The following ZBTB7C variants were observed in gnomAD, a reference collection of about 807,000 sequenced individuals.
The protein encoded by ZBTB7C is zinc finger and BTB domain-containing protein 7C.
In ZBTB7C, 8 loss-of-function variants were observed where a neutral mutation model predicts 25.7. The observed-to-expected ratio is 0.31, with a 90% CI of 0.18 to 0.56. The LOEUF is 0.56. ZBTB7C is among the 20% of genes least tolerant of loss of function. The pLI is 0.91. For synonymous variants in ZBTB7C, 394 were observed against 369.0 expected (o/e 1.07, Z -0.78); for missense variants, 824 against 855.2 (o/e 0.96, Z 0.46).
intron 1 of ZBTB7C, among the ~76,000 whole-genome samples, chr18:48,394,076 A>C (rs2047963613): frequency 6.6e-6 from 1 of 152,182 alleles, no homozygotes; most frequent in African/African-American, 2.4e-5. Context: ...AAACTTCCAT[A>C]GTTCAGCTAT....
chr18:48,172,017 T>TTCATAC (rs2041499543), intron 3 of ZBTB7C, among the ~76,000 whole-genome samples: 1 of 152,068 alleles, frequency 6.6e-6, no homozygotes, highest in Non-Finnish European at 1.5e-5. Context: ...TCTTGGGTGG[T>TTCATAC]TCATACTGAA....
At chr18:48,098,021 A>G (rs73954700) in intron 3 of ZBTB7C, among the ~76,000 whole-genome samples, 3,686 of 152,264 alleles carry the variant, frequency 0.024, 171 homozygotes, top group African/African-American at 0.084. Flanking sequence ...AGTCACTACC[A>G]ATTGAGCCAA....
At chr18:48,342,918 T>C (rs1210990710) in intron 1 of ZBTB7C, among the ~76,000 whole-genome samples, 1 of 151,502 alleles carries the variant, frequency 6.6e-6, no homozygotes, top group Non-Finnish European at 1.5e-5. Flanking sequence ...TTTACTGGAG[T>C]TTCATCCTTT....
chr18:48,096,693 T>A (rs1392159267), intron 3 of ZBTB7C, among the ~76,000 whole-genome samples: 1 of 152,162 alleles, frequency 6.6e-6, no homozygotes, highest in East Asian at 1.9e-4. Context: ...AGTCTGAATC[T>A]CCACGTGATC....
intron 3 of ZBTB7C, among the ~76,000 whole-genome samples, chr18:48,176,365 T>A (rs543020167): frequency 6.6e-6 from 1 of 152,254 alleles, no homozygotes; most frequent in East Asian, 1.9e-4. Context: ...TTAAAGGAGA[T>A]AAAGAGACAC....
intron 1 of ZBTB7C, among the ~76,000 whole-genome samples, chr18:48,374,743 G>A (rs960550530): frequency 4.6e-5 from 7 of 152,192 alleles, no homozygotes; most frequent in South Asian, 2.1e-4. Flanking sequence ...GCTAATGGGG[G>A]GATTTTAGCC....
At chr18:48,041,216 AG>A in intron 3 of ZBTB7C, 93 bp from the exon 4 acceptor site, 1 of 1,459,852 alleles carries the variant, frequency 6.9e-7, no homozygotes, top group Middle Eastern at 2.2e-4. Context: ...CCTTGGCATA[AG>A]GGCTCCCTGT....
chr18:48,168,648 T>A (rs186559740), intron 3 of ZBTB7C, among the ~76,000 whole-genome samples: 15 of 152,328 alleles, frequency 9.8e-5, no homozygotes, highest in Non-Finnish European at 1.8e-4. Flanking sequence ...AAGGCAGATC[T>A]TGTAGGTAAG....
At chr18:48,122,080 C>T (rs1454341751) in intron 3 of ZBTB7C, among the ~76,000 whole-genome samples, 1 of 152,166 alleles carries the variant, frequency 6.6e-6, no homozygotes, top group Non-Finnish European at 1.5e-5. Context: ...GCCAGCTGAG[C>T]TTGGAGCCAT....
intron 1 of ZBTB7C, among the ~76,000 whole-genome samples, chr18:48,368,382 T>C (rs1283134752): frequency 6.6e-6 from 1 of 151,302 alleles, no homozygotes; most frequent in Non-Finnish European, 1.5e-5. Context: ...AACTGATAGA[T>C]AGAAAAAAAA....
intron 1 of ZBTB7C, among the ~76,000 whole-genome samples, chr18:48,344,778 C>T (rs564591689): frequency 3.4e-4 from 51 of 152,188 alleles, no homozygotes; most frequent in Non-Finnish European, 4.4e-4. Flanking sequence ...ATGTCTTCAA[C>T]GCCGCCAAAT....
chr18:48,138,354 C>T lies in ZBTB7C; in HGVS notation c.-17+47580G>A, dbSNP rs138491748. 1.1e-4 allele frequency among the ~76,000 whole-genome samples: 16 copies of T among 152,316 alleles called. No homozygotes were observed. The East Asian group carries it at 2.3e-3, about 22-fold the overall frequency. On this transcript the variant is annotated intron_variant, in intron 3 of 4. Coordinates refer to ENST00000590800, the MANE Select transcript of ZBTB7C (RefSeq NM_001318841.2). Reference sequence around the variant, plus strand: ...TTCCAATGTTAGAGATTCATTCCTTCTCGGGGTATGCCCTGCAGGGAGCCT... The same window carrying T: ...TTCCAATGTTAGAGATTCATTCCTTTTCGGGGTATGCCCTGCAGGGAGCCT...
intron 2 of ZBTB7C, among the ~76,000 whole-genome samples, chr18:48,208,218 A>C (rs2042624612): frequency 6.6e-6 from 1 of 152,066 alleles, no homozygotes; most frequent in African/African-American, 2.4e-5. Context: ...TCAGCAATGA[A>C]GATAAAAAGG....
At position 48,144,964 on chromosome 18, in the gene ZBTB7C, T is replaced by G. The variant is rs1364029200; in HGVS notation, c.-17+40970A>C. ...CCTGGATGGACGTCTTCTGGGCTCT[T>G]TTTCAGTAGAGATTCATTCCCTGAC... is the stretch of plus-strand genomic sequence containing the variant. On this transcript the variant is annotated intron_variant, in intron 3 of 4. Coordinates refer to ENST00000590800, the MANE Select transcript of ZBTB7C (RefSeq NM_001318841.2). Among the ~76,000 whole-genome samples, 3 of 152,248 alleles carry G rather than the reference T, an allele frequency of 2.0e-5. No homozygotes were observed. In the East Asian group the frequency reaches 5.8e-4, roughly 29 times the overall value.
intron 2 of ZBTB7C, among the ~76,000 whole-genome samples, chr18:48,262,917 C>G (rs1373612797): frequency 6.6e-6 from 1 of 152,200 alleles, no homozygotes; most frequent in African/African-American, 2.4e-5. Context: ...CTGGGCCTCA[C>G]TGCAGAGCTG....
At chr18:48,258,168 A>G (rs1334742051) in intron 2 of ZBTB7C, among the ~76,000 whole-genome samples, 1 of 152,262 alleles carries the variant, frequency 6.6e-6, no homozygotes, top group Non-Finnish European at 1.5e-5. Flanking sequence ...CTAAGATCAG[A>G]AAAAAAGTCA....
At chr18:48,264,852 TC>T (rs2044266266) in intron 2 of ZBTB7C, among the ~76,000 whole-genome samples, 1 of 152,192 alleles carries the variant, frequency 6.6e-6, no homozygotes, top group Admixed American at 6.5e-5. Flanking sequence ...TTTCCATCTG[TC>T]GTCTCAATCA....
chr18:48,246,596 T>C (rs999526734), intron 2 of ZBTB7C, among the ~76,000 whole-genome samples: 7 of 151,976 alleles, frequency 4.6e-5, no homozygotes, highest in African/African-American at 1.7e-4. Context: ...TGAGGTAGGA[T>C]GGGAAAAGGA....
intron 3 of ZBTB7C, among the ~76,000 whole-genome samples, chr18:48,046,052 T>C (rs781710191): frequency 3.3e-5 from 5 of 152,230 alleles, no homozygotes; most frequent in African/African-American, 4.8e-5. Flanking sequence ...GACATCTTGA[T>C]TGCAACCTCA....
Sources: allele counts gnomAD v4.1 joint callset (sites outside exome capture counted in the v4.1 genomes callset), GRCh38; gene constraint gnomAD v4.1.1; transcripts MANE v1.5; gene names NCBI Gene and HGNC (gene_info 2026-07-23, HGNC 2026-07-21).